Variants in MAGI3 observed in about 807,000 individuals in gnomAD.
The protein encoded by MAGI3 is membrane associated guanylate kinase, WW and PDZ domain containing 3, also known as membrane-associated guanylate kinase, WW and PDZ domain-containing protein 3.
Under a neutral mutation model 121.8 loss-of-function variants are expected in MAGI3, and 43 were observed. That is an observed-to-expected ratio of 0.35 (90% CI 0.28 to 0.46). MAGI3 has a LOEUF of 0.46. Ranked by LOEUF, MAGI3 falls within the 20% of genes least tolerant of loss-of-function variation. MAGI3 has a pLI of 1.00. For missense variants in MAGI3, 1,547 were observed against 1,797.3 expected (o/e 0.86, Z 2.52); for synonymous variants, 553 against 639.3 (o/e 0.86, Z 2.04).
Position 113,684,083 on chromosome 1 carries a change from C to CTTT in MAGI3, c.*80_*82dup. ...ACAGCAGCATTTTTCCAGAAAAAGC[C>CTTT]TTTTTTTTTTTTTCAGATATTCTGA... On this transcript the variant is annotated 3_prime_UTR_variant, in exon 21 of 21. Transcript: ENST00000307546. 1.3e-5 allele frequency: 14 copies of CTTT among 1,114,384 alleles called. No homozygotes were observed. Among genetic ancestry groups the CTTT allele is most frequent in the South Asian group, 2.0e-5 (1 of 48,786 alleles). 69.0% of individuals were successfully genotyped at this position (1,114,384 alleles called of 1,614,324 possible). A position where few individuals can be genotyped will look rare whatever the true frequency, so the allele number is the denominator to read the frequency against.
At chr1:113,676,280 T>C (rs147108006) in intron 19 of MAGI3, among the ~76,000 whole-genome samples, 310 of 152,240 alleles carry the variant, frequency 2.0e-3, no homozygotes, top group African/African-American at 7.1e-3. Context: ...AACATGTCAT[T>C]CTCAGCCAGG....
chr1:113,676,755 C>T (rs1647891790), intron 19 of MAGI3, among the ~76,000 whole-genome samples: 1 of 152,074 alleles, frequency 6.6e-6, no homozygotes, highest in Admixed American at 6.5e-5. Flanking sequence ...CCCCTCTCTG[C>T]CTCCCCCGCT....
intron 1 of MAGI3, among the ~76,000 whole-genome samples, chr1:113,454,028 A>T (rs112654748): frequency 6.6e-6 from 1 of 152,216 alleles, no homozygotes; most frequent in African/African-American, 2.4e-5. Context: ...TTCTCAAAAA[A>T]CAGAGCATAT....
intron 1 of MAGI3, among the ~76,000 whole-genome samples, chr1:113,423,198 C>G (rs535911905): frequency 6.7e-6 from 1 of 149,068 alleles, no homozygotes; most frequent in Non-Finnish European, 1.5e-5. Context: ...AGAAGAGACC[C>G]AAAGCGCGTA....
intron 7 of MAGI3, among the ~76,000 whole-genome samples, chr1:113,619,332 A>G (rs1303047831): frequency 2.0e-5 from 3 of 152,220 alleles, no homozygotes; most frequent in Non-Finnish European, 4.4e-5. Flanking sequence ...AATTTCTTTC[A>G]AAGTGCCTTT....
At chr1:113,625,015 A>T (rs755123555) in intron 9 of MAGI3, among the ~76,000 whole-genome samples, 1 of 152,086 alleles carries the variant, frequency 6.6e-6, no homozygotes, top group East Asian at 1.9e-4. Context: ...AGTTCATTGT[A>T]GGTGTATGGA....
At chr1:113,594,645 C>A in intron 6 of MAGI3, 85 bp downstream of exon 6, 1 of 1,152,558 alleles carries the variant, frequency 8.7e-7, no homozygotes, top group Non-Finnish European at 1.2e-6. Flanking sequence ...TTTTTCAAAA[C>A]CCTAAACAAA....
intron 3 of MAGI3, among the ~76,000 whole-genome samples, chr1:113,581,891 C>T (rs1014983364): frequency 6.6e-6 from 1 of 151,990 alleles, no homozygotes; most frequent in African/African-American, 2.4e-5. Flanking sequence ...AAGAGAATCT[C>T]GGAATACTGT....
chr1:113,508,954 G>C (rs1207372410), intron 1 of MAGI3, among the ~76,000 whole-genome samples: 1 of 151,974 alleles, frequency 6.6e-6, no homozygotes, highest in Non-Finnish European at 1.5e-5. Context: ...TTCTAAAAAT[G>C]TGTGGGAAGA....
intron 1 of MAGI3, among the ~76,000 whole-genome samples, chr1:113,534,749 C>T (rs1223273911): frequency 6.6e-6 from 1 of 152,130 alleles, no homozygotes; most frequent in East Asian, 1.9e-4. Flanking sequence ...CCCTTCTGTC[C>T]TCTTCGTTTT....
chr1:113,596,534 A>G (rs1434653446), intron 6 of MAGI3, among the ~76,000 whole-genome samples: 1 of 152,228 alleles, frequency 6.6e-6, no homozygotes, highest in African/African-American at 2.4e-5. Flanking sequence ...AGAAGACACC[A>G]TTGAAAAATG....
intron 1 of MAGI3, among the ~76,000 whole-genome samples, chr1:113,521,519 C>G (rs1289851444): frequency 6.6e-6 from 1 of 151,746 alleles, no homozygotes; most frequent in Non-Finnish European, 1.5e-5. Context: ...CATTCTCCTG[C>G]CTCAGCCTCC....
intron 1 of MAGI3, among the ~76,000 whole-genome samples, chr1:113,485,407 T>C (rs1656337074): frequency 6.6e-6 from 1 of 152,222 alleles, no homozygotes; most frequent in Admixed American, 6.5e-5. Flanking sequence ...CCCTGATGCT[T>C]AGTGATGTTG....
intron 1 of MAGI3, among the ~76,000 whole-genome samples, chr1:113,489,169 G>GCCCCCCCC (rs142365833): frequency 2.0e-5 from 3 of 148,284 alleles, no homozygotes; most frequent in Admixed American, 6.8e-5. Flanking sequence ...AACACCTTAG[G>GCCCCCCCC]CCCCCCCCGA....
chr1:113,402,598 A>C (rs866317526), intron 1 of MAGI3, among the ~76,000 whole-genome samples: 12 of 152,244 alleles, frequency 7.9e-5, no homozygotes, highest in African/African-American at 2.9e-4. Context: ...AGTCTGATTT[A>C]GAGTCAGCTG....
intron 1 of MAGI3, among the ~76,000 whole-genome samples, chr1:113,423,258 T>TGG (rs1250807906): frequency 2.9e-5 from 4 of 135,958 alleles, no homozygotes; most frequent in Admixed American, 2.9e-4. Flanking sequence ...TTTTTTTTTT[T>TGG]TGGGGGGGGG....
intron 2 of MAGI3, among the ~76,000 whole-genome samples, chr1:113,553,171 C>G (rs138323024): frequency 6.6e-6 from 1 of 152,254 alleles, no homozygotes; most frequent in African/African-American, 2.4e-5. Context: ...AGACCACACA[C>G]AGAGGAATCC....
rs372620032 is a variant in MAGI3 at position 113,473,513 on chromosome 1, G to A, written c.317-76002G>A. ...TCCCACCTATGAGTGAGAACATGCA[G>A]TGTTTGGTTTTCTGTCCTTGTGATA... On this transcript the variant is annotated intron_variant, in intron 1 of 20. Transcript: ENST00000307546. Among the ~76,000 whole-genome samples, 14 of 148,472 alleles carry A rather than the reference G, an allele frequency of 9.4e-5. No homozygotes were observed. In the East Asian group the frequency reaches 2.2e-3, roughly 24 times the overall value.
intron 7 of MAGI3, among the ~76,000 whole-genome samples, chr1:113,617,169 G>A (rs779913571): frequency 1.3e-5 from 2 of 152,158 alleles, no homozygotes; most frequent in Non-Finnish European, 1.5e-5. Context: ...GATCCCAGGC[G>A]TGAGCTACCA....
Sources: allele counts gnomAD v4.1 joint callset (sites outside exome capture counted in the v4.1 genomes callset), GRCh38; gene constraint gnomAD v4.1.1; transcripts MANE v1.5; gene names NCBI Gene and HGNC (gene_info 2026-07-23, HGNC 2026-07-21).